SMURF1: variants seen among roughly 807,000 people sequenced by gnomAD.
SMURF1 encodes SMAD specific E3 ubiquitin protein ligase 1.
SMURF1 carries 44 observed loss-of-function variants against 98.0 expected under a neutral mutation model. The observed-to-expected ratio is 0.45, with a 90% confidence interval of 0.35 to 0.58. SMURF1 has a LOEUF of 0.58. Among genes scored for constraint, SMURF1 ranks in the 20% least tolerant of loss-of-function variants. The pLI is 0.00. For synonymous variants in SMURF1, 396 were observed against 374.9 expected, an observed-to-expected ratio of 1.06 and a Z score of -0.65; for missense variants, 687 against 938.4, an observed-to-expected ratio of 0.73 and a Z score of 3.50.
chr7:99,063,599 T>C (rs1796119576), intron 1 of SMURF1, among the ~76,000 whole-genome samples: 1 of 151,366 alleles, frequency 6.6e-6, no homozygotes, highest in Admixed American at 6.6e-5. Flanking sequence ...CAAGATACGA[T>C]TTATATACCA....
intron 1 of SMURF1, among the ~76,000 whole-genome samples, chr7:99,065,182 C>T (rs1020396905): frequency 1.3e-5 from 2 of 151,836 alleles, no homozygotes; most frequent in South Asian, 4.2e-4. Context: ...CAGCCTTGAG[C>T]TTCCCAGGCT....
chr7:99,070,420 G>A (rs1386406014), intron 1 of SMURF1, among the ~76,000 whole-genome samples: 1 of 152,254 alleles, frequency 6.6e-6, no homozygotes, highest in South Asian at 2.1e-4. Flanking sequence ...ATGGGTGAAG[G>A]CATCTCTGCT....
intron 1 of SMURF1, among the ~76,000 whole-genome samples, chr7:99,137,479 A>T (rs1798017879): frequency 6.6e-6 from 1 of 152,196 alleles, no homozygotes. Context: ...CCCTTTAGAG[A>T]ACTCAGCGGA....
chr7:99,083,301 C>G (rs567596554), intron 1 of SMURF1, among the ~76,000 whole-genome samples: 2 of 152,086 alleles, frequency 1.3e-5, no homozygotes, highest in Non-Finnish European at 2.9e-5. Flanking sequence ...TTGTACTGTT[C>G]CATTTACCTC....
At chr7:99,135,641 C>T (rs1429337711) in intron 1 of SMURF1, among the ~76,000 whole-genome samples, 1 of 152,206 alleles carries the variant, frequency 6.6e-6, no homozygotes. Flanking sequence ...CTTAACTAGT[C>T]CCTGCTGATA....
At chr7:99,035,829 C>T (rs1319556769) in intron 15 of SMURF1, 113 bp from the exon 16 acceptor site, 9 of 973,260 alleles carry the variant, frequency 9.2e-6, no homozygotes, top group Non-Finnish European at 1.4e-5. Flanking sequence ...AGCAAAGCAG[C>T]AGCTGTGTAC....
In SMURF1 at chr7:99,033,087, G is replaced by A. The variant is rs1448262125; in HGVS notation, c.2046C>T (p.Thr682=). 1 of 1,590,860 alleles carries A rather than the reference G, an allele frequency of 6.3e-7. No homozygotes were observed. Among genetic ancestry groups the A allele is most frequent in the Non-Finnish European group, 8.6e-7 (1 of 1,167,868 alleles). Residue 682 remains threonine (T), a synonymous_variant, in exon 17 of 18, where the codon ACC becomes ACT. Coordinates refer to ENST00000361368, the MANE Select transcript of SMURF1 (RefSeq NM_181349.3). ...STGAAGPRLF[T]IHLIDANTDN... ...CTGTGTTCGCGTCTATCAGGTGGAT[G>A]GTGAACAGCCGGGGCCCTGCCGCGC...
chr7:99,135,065 A>G (rs987133579), intron 1 of SMURF1, among the ~76,000 whole-genome samples: 4 of 152,198 alleles, frequency 2.6e-5, no homozygotes, highest in African/African-American at 9.6e-5. Flanking sequence ...CCTTATAAAT[A>G]TGAGTATGTA....
intron 1 of SMURF1, among the ~76,000 whole-genome samples, chr7:99,090,563 G>A (rs896400742): frequency 6.6e-6 from 1 of 151,954 alleles, no homozygotes; most frequent in Admixed American, 6.6e-5. Flanking sequence ...ACATTTTAGG[G>A]GGCAAAATAA....
chr7:99,123,607 T>C (rs992672951), intron 1 of SMURF1, among the ~76,000 whole-genome samples: 44 of 152,126 alleles, frequency 2.9e-4, no homozygotes, highest in Admixed American at 2.8e-3. Context: ...AGAACAAATA[T>C]TATTTTCCAT....
chr7:99,035,350 G>A, intron 16 of SMURF1, 165 bp downstream of exon 16: 1 of 885,146 alleles, frequency 1.1e-6, no homozygotes, highest in Non-Finnish European at 1.7e-6. Flanking sequence ...CACGGCCCCT[G>A]CCAGGTAACC....
chr7:99,122,751 T>C (rs1387139729), intron 1 of SMURF1, among the ~76,000 whole-genome samples: 76 of 133,984 alleles, frequency 5.7e-4, no homozygotes, highest in African/African-American at 8.9e-4. Flanking sequence ...CTTTCTTTTT[T>C]TTTTTTTTTT....
At chr7:99,043,513 C>T (rs1030157934) in intron 11 of SMURF1, among the ~76,000 whole-genome samples, 2 of 152,108 alleles carry the variant, frequency 1.3e-5, no homozygotes, top group African/African-American at 4.8e-5. Flanking sequence ...CCCATCTCCA[C>T]GCAGAAGACT....
chr7:99,088,035 T>C (rs1796722569), intron 1 of SMURF1, among the ~76,000 whole-genome samples: 1 of 151,862 alleles, frequency 6.6e-6, no homozygotes, highest in African/African-American at 2.4e-5. Flanking sequence ...GGCAGGTGGA[T>C]CACCTGAGGT....
At chr7:99,143,188 C>T (rs1182133574) in intron 1 of SMURF1, among the ~76,000 whole-genome samples, 2 of 26,510 alleles carry the variant, frequency 7.5e-5, no homozygotes, top group African/African-American at 1.7e-4. Context: ...GAGAGATGGG[C>T]GGGGTCAGGT....
At position 99,027,889 on chromosome 7, in the gene SMURF1, G is replaced by A. The variant is rs1221556590; in HGVS notation, c.*2695C>T. 6.6e-6 allele frequency: 1 copy of A among 152,586 alleles called. No individual in the cohort carries two copies. Among genetic ancestry groups the A allele is most frequent in the East Asian group, 1.9e-4 (1 of 5,188 alleles). 9.5% of individuals were successfully genotyped at this position (152,586 alleles called of 1,614,324 possible). ...ACCTTAATCTGAATTTGGACCATAC[G>A]TCCGAACAAGCTCAGGGGTCGAAAT... On this transcript the variant is annotated 3_prime_UTR_variant, in exon 18 of 18. Transcript: ENST00000361368.
At chr7:99,061,913 G>C (rs769705648) in intron 1 of SMURF1, 76 bp from the exon 2 acceptor site, 1 of 1,053,582 alleles carries the variant, frequency 9.5e-7, no homozygotes, top group Non-Finnish European at 1.4e-6. Context: ...ATTTACACCC[G>C]AACAAAAAGA....
chr7:99,086,044 T>C (rs1796670829), intron 1 of SMURF1, among the ~76,000 whole-genome samples: 1 of 152,104 alleles, frequency 6.6e-6, no homozygotes, highest in African/African-American at 2.4e-5. Context: ...TCAAGACTAG[T>C]ATGAAATATC....
At chr7:99,031,870 C>T (rs944606136) in intron 17 of SMURF1, among the ~76,000 whole-genome samples, 3 of 152,178 alleles carry the variant, frequency 2.0e-5, no homozygotes, top group Non-Finnish European at 4.4e-5. Flanking sequence ...GAACTGGTTC[C>T]CCCAAGGAAA....
Sources: gnomAD v4.1 joint callset for allele counts (sites outside exome capture counted in the v4.1 genomes callset) on GRCh38, gnomAD v4.1.1 for gene constraint, MANE v1.5 for transcripts, NCBI Gene and HGNC (gene_info 2026-07-23, HGNC 2026-07-21) for gene names.